Variants in S1PR4 observed in about 807,000 individuals in gnomAD.
S1PR4 encodes the protein sphingosine 1-phosphate receptor 4.
A neutral mutation model predicts 0.4 loss-of-function variants in S1PR4; 1 was observed. The observed-to-expected ratio is 2.48, with a 90% CI of 0.88 to 11.76. The LOEUF is 11.76. S1PR4 is among the 30% of genes most tolerant of loss of function. The pLI is 0.12. For missense variants in S1PR4, 595 were observed against 557.8 expected, an observed-to-expected ratio of 1.07 and a Z score of -0.67; for synonymous variants, 296 against 266.7, an observed-to-expected ratio of 1.11 and a Z score of -1.07.
In S1PR4 at chr19:3,179,983, G is replaced by A. The variant is rs764081144; in HGVS notation, c.*36G>A. 1 of 1,501,792 alleles carries A rather than the reference G, an allele frequency of 6.7e-7. No homozygotes were observed. Among genetic ancestry groups the A allele is most frequent in the South Asian group, 1.4e-5 (1 of 73,990 alleles). 93.0% of individuals were successfully genotyped at this position (1,501,792 alleles called of 1,614,324 possible). A position where few individuals can be genotyped will look rare whatever the true frequency, so the allele number is the denominator to read the frequency against. ...TTGCGTGTGGATGGTGCAGCCACCG[G>A]GTGCGTGCCAGGCAGGCCCTCCTGG... On this transcript the variant is annotated 3_prime_UTR_variant, in exon 1 of 1. Transcript: ENST00000246115.
rs896706443 is a variant in S1PR4, at chr19:3,179,185, C to T, written c.393C>T (p.Ala131=). ...GCCTGCTCTTCACCGCCCTGGCCGC[C>T]TCCACCTTCAGCCTGCTCTTCACTG... The part of the protein sequence containing the change: ...REGLLFTALA[A]STFSLLFTAG... The change falls in exon 1 of 1, where the codon GCC becomes GCT. Residue 131 remains alanine, a synonymous_variant. Transcript: ENST00000246115. 6.8e-6 allele frequency: 11 copies of T among 1,610,038 alleles called. No individual in the cohort carries two copies. Among genetic ancestry groups the T allele is most frequent in the Non-Finnish European group, 8.5e-6 (10 of 1,178,294 alleles).
Position 3,179,816 on chromosome 19 carries a change from G to A in S1PR4, c.1024G>A (p.Val342Ile), listed in dbSNP as rs77074449. The A allele has an allele frequency of 5.0e-5, 79 of 1,594,426 alleles. No homozygotes were observed. The highest frequency in any genetic ancestry group is 9.0e-5 in the East Asian group (4 of 44,544). ...RGPGDCLARA[V>I]EAHSGASTTD... is the part of the protein sequence containing the mutation. ...GCCCGGGGACTGCCTGGCCCGGGCC[G>A]TCGAGGCTCACTCCGGAGCTTCCAC... Residue 342 changes from valine to isoleucine, a missense_variant, in exon 1 of 1, where the codon GTC becomes ATC. Transcript: ENST00000246115.
At position 3,179,237 on chromosome 19, in the gene S1PR4, C is replaced by T. The variant is rs749842926; in HGVS notation, c.445C>T (p.Arg149Trp). The T allele has an allele frequency of 3.8e-6, 6 of 1,598,272 alleles. No individual in the cohort carries two copies. Among genetic ancestry groups the T allele is most frequent in the Non-Finnish European group, 5.1e-6 (6 of 1,171,938 alleles). ...TAGERFATMVRPVAESGATKT... is the reference protein window; with the variant it reads ...TAGERFATMVWPVAESGATKT... ...AGGGGAGCGCTTTGCCACCATGGTG[C>T]GGCCGGTGGCCGAGAGCGGGGCCAC... The change falls in exon 1 of 1, where the codon CGG becomes TGG. Residue 149 changes from arginine to tryptophan, a missense_variant. Arg to Trp is a moderately radical substitution (Grantham distance 101). Coordinates refer to ENST00000246115, the MANE Select transcript of S1PR4 (RefSeq NM_003775.4).
At position 3,178,900 on chromosome 19, in the gene S1PR4, C is replaced by G. The variant is rs187396603; in HGVS notation, c.108C>G (p.Ala36=). The change falls in exon 1 of 1, where the codon GCC becomes GCG. Residue 36 remains alanine, a synonymous_variant. Transcript: ENST00000246115. Reference sequence around the variant, plus strand: ...ACTACAACCACTCGGGCCGGCTGGCCGGGCGCGGGGGGCCGGAGGATGGCG... The same window carrying G: ...ACTACAACCACTCGGGCCGGCTGGCGGGGCGCGGGGGGCCGGAGGATGGCG... ...VLHYNHSGRL[A]GRGGPEDGGL... is the part of the protein sequence containing the mutation. 3 of 1,525,242 alleles carry G rather than the reference C, an allele frequency of 2.0e-6. No homozygotes were observed. The highest frequency in any genetic ancestry group is 8.8e-7 in the Non-Finnish European group (1 of 1,141,882). 94.5% of individuals were successfully genotyped at this position (1,525,242 alleles called of 1,614,324 possible).
Position 3,179,555 on chromosome 19 carries a change from A to G in S1PR4, c.763A>G (p.Met255Val), listed in dbSNP as rs769652608. 6.2e-7 allele frequency: 1 copy of G among 1,612,790 alleles called. No homozygotes were observed. Among genetic ancestry groups the G allele is most frequent in the Non-Finnish European group, 8.5e-7 (1 of 1,179,786 alleles). Residue 255 changes from methionine to valine, a missense_variant, in exon 1 of 1, where the codon ATG (methionine) becomes GTG (valine). Coordinates refer to ENST00000246115, the MANE Select transcript of S1PR4 (RefSeq NM_003775.4). ...CCGCCGCCTGCTGAAGACGGTGCTG[A>G]TGATCCTGCTGGCCTTCCTGGTGTG... ...KARRLLKTVL[M>V]ILLAFLVCWG...
rs780595402 is a variant in S1PR4 at position 3,179,404 on chromosome 19, C to T, written c.612C>T (p.Tyr204=). The T allele has an allele frequency of 2.5e-6, 4 of 1,613,358 alleles. No individual in the cohort carries two copies. The highest frequency in any genetic ancestry group is 2.5e-6 in the Non-Finnish European group (3 of 1,179,944). The part of the protein sequence containing the change: ...SSLLPLYSKR[Y]ILFCLVIFAG... ...TTCTGCCCCTCTACTCCAAGCGCTA[C>T]ATCCTCTTCTGCCTGGTGATCTTCG... Residue 204 remains tyrosine, a synonymous_variant, in exon 1 of 1, where the codon TAC becomes TAT. Transcript: ENST00000246115.
At position 3,179,527 on chromosome 19, in the gene S1PR4, G is replaced by A; in HGVS notation, c.735G>A (p.Lys245=). 1 of 1,611,856 alleles carries A rather than the reference G, an allele frequency of 6.2e-7. No homozygotes were observed. The highest frequency in any genetic ancestry group is 1.1e-5 in the South Asian group (1 of 90,984). The change falls in exon 1 of 1, where the codon AAG becomes AAA. Residue 245 remains lysine, a synonymous_variant. Coordinates refer to ENST00000246115, the MANE Select transcript of S1PR4 (RefSeq NM_003775.4). ...QKAPRPAARR[K]ARRLLKTVLM... ...CCCCACGCCCAGCGGCCCGCCGCAAGGCCCGCCGCCTGCTGAAGACGGTGC... is the reference window on the plus strand; with the variant it reads ...CCCCACGCCCAGCGGCCCGCCGCAAAGCCCGCCGCCTGCTGAAGACGGTGC...
Position 3,178,818 on chromosome 19 carries a change from CCCCCG to C in S1PR4, c.27_31del (p.Pro10ValfsTer81). 1 of 1,525,662 alleles carries C rather than the reference CCCCCG, an allele frequency of 6.6e-7. No individual in the cohort carries two copies. The highest frequency in any genetic ancestry group is 8.7e-7 in the Non-Finnish European group (1 of 1,143,218). The allele number at this position is 1,525,662 out of a possible 1,614,324, so 94.5% of individuals were successfully genotyped here. A position where few individuals can be genotyped will look rare whatever the true frequency, so the allele number is the denominator to read the frequency against. On this transcript the variant is annotated frameshift_variant, in exon 1 of 1. Coordinates refer to ENST00000246115, the MANE Select transcript of S1PR4 (RefSeq NM_003775.4). LOFTEE classifies it low-confidence loss of function (END_TRUNC). ...ATGAACGCCACGGGGACCCCGGTGG[CCCCCG>C]AGTCCTGCCAACAGCTGGCGGCCGG...
chr19:3,180,014 A>G lies in S1PR4; in HGVS notation c.*67A>G. ...TGCCAGGCAGGCCCTCCTGGGGTAC[A>G]GGAAGCTGTGTGCACGCAGCCTCGC... On this transcript the variant is annotated 3_prime_UTR_variant, in exon 1 of 1. Coordinates refer to ENST00000246115, the MANE Select transcript of S1PR4 (RefSeq NM_003775.4). 7.0e-7 allele frequency: 1 copy of G among 1,438,388 alleles called. No individual in the cohort carries two copies. Among genetic ancestry groups the G allele is most frequent in the Non-Finnish European group, 9.3e-7 (1 of 1,071,710 alleles). 89.1% of individuals were successfully genotyped at this position (1,438,388 alleles called of 1,614,324 possible).
rs1250944081 is a variant in S1PR4 at position 3,179,587 on chromosome 19, C to T, written c.795C>T (p.Gly265=). ...TGCTGGCCTTCCTGGTGTGCTGGGGCCCACTCTTCGGGCTGCTGCTGGCCG... is the reference window on the plus strand; with the variant it reads ...TGCTGGCCTTCCTGGTGTGCTGGGGTCCACTCTTCGGGCTGCTGCTGGCCG... The part of the protein sequence containing the change: ...MILLAFLVCW[G]PLFGLLLADV... The change falls in exon 1 of 1, where the codon GGC becomes GGT. Residue 265 remains glycine, a synonymous_variant. Transcript: ENST00000246115. 1.9e-6 allele frequency: 3 copies of T among 1,613,114 alleles called. No homozygotes were observed. The African/African-American group carries it at 4.0e-5, about 22-fold the overall frequency.
chr19:3,179,292 G>C lies in S1PR4; in HGVS notation c.500G>C (p.Gly167Ala). ...TKTSRVYGFIGLCWLLAALLG... is the reference protein window; with the variant it reads ...TKTSRVYGFIALCWLLAALLG... ...ACCAGCCGCGTCTACGGCTTCATCG[G>C]CCTCTGCTGGCTGCTGGCCGCGCTG... Residue 167 changes from glycine (G) to alanine (A), a missense_variant, in exon 1 of 1, where the codon GGC becomes GCC. Transcript: ENST00000246115. The C allele has an allele frequency of 6.2e-7, 1 of 1,608,336 alleles. No homozygotes were observed. Among genetic ancestry groups the C allele is most frequent in the Non-Finnish European group, 8.5e-7 (1 of 1,177,586 alleles).
At position 3,179,086 on chromosome 19, in the gene S1PR4, C is replaced by G. The variant is rs1220811849; in HGVS notation, c.294C>G (p.Ala98=). The change falls in exon 1 of 1, where the codon GCC becomes GCG. Residue 98 remains alanine, a synonymous_variant. Transcript: ENST00000246115. ...ITLSDLLTGA[A]YLANVLLSGA... ...TGAGTGACCTGCTCACGGGCGCGGC[C>G]TACCTGGCCAACGTGCTGCTGTCGG... 1.2e-6 allele frequency: 2 copies of G among 1,610,760 alleles called. No individual in the cohort carries two copies. The highest frequency in any genetic ancestry group is 1.7e-6 in the Non-Finnish European group (2 of 1,179,804).
Position 3,180,007 on chromosome 19 carries a change from G to A in S1PR4, c.*60G>A. Reference sequence around the variant, plus strand: ...GGGTGCGTGCCAGGCAGGCCCTCCTGGGGTACAGGAAGCTGTGTGCACGCA... The same window carrying A: ...GGGTGCGTGCCAGGCAGGCCCTCCTAGGGTACAGGAAGCTGTGTGCACGCA... On this transcript the variant is annotated 3_prime_UTR_variant, in exon 1 of 1. Coordinates refer to ENST00000246115, the MANE Select transcript of S1PR4 (RefSeq NM_003775.4). The A allele has an allele frequency of 6.9e-7, 1 of 1,458,802 alleles. No individual in the cohort carries two copies. The highest frequency in any genetic ancestry group is 9.2e-7 in the Non-Finnish European group (1 of 1,088,222). 90.4% of individuals were successfully genotyped at this position (1,458,802 alleles called of 1,614,324 possible).
At position 3,179,546 on chromosome 19, in the gene S1PR4, A is replaced by G. The variant is rs1915503826; in HGVS notation, c.754A>G (p.Thr252Ala). ...ARRKARRLLK[T>A]VLMILLAFLV... ...CCGCAAGGCCCGCCGCCTGCTGAAG[A>G]CGGTGCTGATGATCCTGCTGGCCTT... Residue 252 changes from threonine (T) to alanine (A), a missense_variant, in exon 1 of 1, where the codon ACG becomes GCG. Coordinates refer to ENST00000246115, the MANE Select transcript of S1PR4 (RefSeq NM_003775.4). The G allele has an allele frequency of 2.5e-6, 4 of 1,612,436 alleles. No individual in the cohort carries two copies. The South Asian group carries it at 3.3e-5, about 13-fold the overall frequency.
rs754200002 is a variant in S1PR4, at chr19:3,179,611, C to T, written c.819C>T (p.Ala273=). The T allele has an allele frequency of 4.3e-6, 7 of 1,613,156 alleles. No individual in the cohort carries two copies. Among genetic ancestry groups the T allele is most frequent in the Middle Eastern group, 1.7e-4 (1 of 6,058 alleles). The change falls in exon 1 of 1, where the codon GCC becomes GCT. Residue 273 remains alanine (A), a synonymous_variant. Coordinates refer to ENST00000246115, the MANE Select transcript of S1PR4 (RefSeq NM_003775.4). ...CWGPLFGLLL[A]DVFGSNLWAQ... ...GCCCACTCTTCGGGCTGCTGCTGGCCGACGTCTTTGGCTCCAACCTCTGGG... is the reference window on the plus strand; with the variant it reads ...GCCCACTCTTCGGGCTGCTGCTGGCTGACGTCTTTGGCTCCAACCTCTGGG...
chr19:3,179,110 G>C lies in S1PR4; in HGVS notation c.318G>C (p.Ser106=), dbSNP rs144432968. Reference sequence around the variant, plus strand: ...CCTACCTGGCCAACGTGCTGCTGTCGGGGGCCCGCACCTTCCGTCTGGCGC... The same window carrying C: ...CCTACCTGGCCAACGTGCTGCTGTCCGGGGCCCGCACCTTCCGTCTGGCGC... ...GAAYLANVLL[S]GARTFRLAPA... Residue 106 remains serine, a synonymous_variant, in exon 1 of 1, where the codon TCG becomes TCC. Transcript: ENST00000246115. 2.3e-5 allele frequency: 37 copies of C among 1,611,222 alleles called. No individual in the cohort carries two copies. The African/African-American group carries it at 4.1e-4, about 18-fold the overall frequency.
rs763569100 is a variant in S1PR4 at position 3,179,786 on chromosome 19, C to A, written c.994C>A (p.Arg332=). Residue 332 remains arginine (R), a synonymous_variant, in exon 1 of 1, where the codon CGA becomes AGA. Coordinates refer to ENST00000246115, the MANE Select transcript of S1PR4 (RefSeq NM_003775.4). Reference sequence around the variant, plus strand: ...CTGCGGGTGTCTCCGGCTGGGCATGCGAGGGCCCGGGGACTGCCTGGCCCG... The same window carrying A: ...CTGCGGGTGTCTCCGGCTGGGCATGAGAGGGCCCGGGGACTGCCTGGCCCG... ...LCCGCLRLGM[R]GPGDCLARAV... The A allele has an allele frequency of 1.2e-6, 2 of 1,606,350 alleles. No individual in the cohort carries two copies. The highest frequency in any genetic ancestry group is 1.7e-6 in the Non-Finnish European group (2 of 1,176,728).
Position 3,179,621 on chromosome 19 carries a change from G to C in S1PR4, c.829G>C (p.Gly277Arg). 1.2e-6 allele frequency: 2 copies of C among 1,613,194 alleles called. No individual in the cohort carries two copies. Among genetic ancestry groups the C allele is most frequent in the East Asian group, 4.5e-5 (2 of 44,872 alleles). The change falls in exon 1 of 1, where the codon GGC becomes CGC. Residue 277 changes from glycine to arginine, a missense_variant. By Grantham distance (125) the Gly-to-Arg change is moderately radical (BLOSUM62 -2). Coordinates refer to ENST00000246115, the MANE Select transcript of S1PR4 (RefSeq NM_003775.4). ...CGGGCTGCTGCTGGCCGACGTCTTT[G>C]GCTCCAACCTCTGGGCCCAGGAGTA... Reference protein sequence around the residue: ...LFGLLLADVFGSNLWAQEYLR... With the variant: ...LFGLLLADVFRSNLWAQEYLR...
At position 3,179,462 on chromosome 19, in the gene S1PR4, G is replaced by A. The variant is rs750629418; in HGVS notation, c.670G>A (p.Gly224Arg). The A allele has an allele frequency of 2.2e-5, 35 of 1,612,942 alleles. No individual in the cohort carries two copies. The highest frequency in any genetic ancestry group is 2.7e-5 in the Non-Finnish European group (32 of 1,179,844). ...CCTGGCCACCATCATGGGCCTCTAT[G>A]GGGCCATCTTCCGCCTGGTGCAGGC... Reference protein sequence around the residue: ...GVLATIMGLYGAIFRLVQASG... With the variant: ...GVLATIMGLYRAIFRLVQASG... The change falls in exon 1 of 1, where the codon GGG (glycine) becomes AGG (arginine). Residue 224 changes from glycine to arginine, a missense_variant. Gly to Arg is a moderately radical substitution (Grantham distance 125). Coordinates refer to ENST00000246115, the MANE Select transcript of S1PR4 (RefSeq NM_003775.4).
Sources: gnomAD v4.1 joint callset for allele counts on GRCh38, gnomAD v4.1.1 for gene constraint, MANE v1.5 for transcripts, NCBI Gene and HGNC (gene_info 2026-07-23, HGNC 2026-07-21) for gene names.